Variants in SCAMP1 observed in about 807,000 individuals in gnomAD.
SCAMP1 encodes the protein secretory carrier membrane protein 1, also known as secretory carrier-associated membrane protein 1.
A neutral mutation model predicts 41.8 loss-of-function variants in SCAMP1; 15 were observed. That is an observed-to-expected ratio of 0.36 (90% CI 0.24 to 0.55). The LOEUF is 0.55. SCAMP1 is among the 20% of genes least tolerant of loss of function. The pLI, the probability that SCAMP1 is intolerant of heterozygous loss-of-function variation, is 0.86. For synonymous variants in SCAMP1, 135 were observed against 136.8 expected (o/e 0.99, Z 0.09); for missense variants, 341 against 412.6 (o/e 0.83, Z 1.50).
chr5:78,408,703 A>G (rs755491472), intron 2 of SCAMP1, among the ~76,000 whole-genome samples: 1 of 152,102 alleles, frequency 6.6e-6, no homozygotes, highest in African/African-American at 2.4e-5. Flanking sequence ...GGCTCAAGCT[A>G]TCCTTCTGCC....
At chr5:78,386,753 A>G (rs112260845) in intron 1 of SCAMP1, among the ~76,000 whole-genome samples, 6 of 152,052 alleles carry the variant, frequency 3.9e-5, no homozygotes, top group African/African-American at 1.2e-4. Flanking sequence ...CTTGGCTGAT[A>G]ATTGTTTTCT....
intron 7 of SCAMP1, among the ~76,000 whole-genome samples, chr5:78,451,272 C>G (rs931129142): frequency 6.6e-6 from 1 of 152,162 alleles, no homozygotes; most frequent in Admixed American, 6.5e-5. Flanking sequence ...TTTAGGTAAT[C>G]ATAGATTCAC....
chr5:78,399,827 T>C (rs1409965302), intron 2 of SCAMP1, among the ~76,000 whole-genome samples: 1 of 152,238 alleles, frequency 6.6e-6, no homozygotes, highest in Non-Finnish European at 1.5e-5. Flanking sequence ...CTTTCAGGGA[T>C]CATGCCATTG....
chr5:78,432,156 C>G (rs760650063), intron 6 of SCAMP1, among the ~76,000 whole-genome samples: 1 of 152,080 alleles, frequency 6.6e-6, no homozygotes, highest in Non-Finnish European at 1.5e-5. Context: ...CACCATCCTT[C>G]TTCTATCTCT....
At chr5:78,468,053 T>C (rs562306852) in intron 8 of SCAMP1, among the ~76,000 whole-genome samples, 1 of 152,278 alleles carries the variant, frequency 6.6e-6, no homozygotes, top group South Asian at 2.1e-4. Flanking sequence ...GTAAATGTGC[T>C]CTGTCCTATA....
intron 6 of SCAMP1, among the ~76,000 whole-genome samples, chr5:78,426,643 T>G (rs1304615472): frequency 6.6e-6 from 1 of 152,222 alleles, no homozygotes; most frequent in African/African-American, 2.4e-5. Flanking sequence ...TTAATAGAGT[T>G]GTGCAATCAT....
At chr5:78,464,257 C>T (rs1753687099) in intron 8 of SCAMP1, among the ~76,000 whole-genome samples, 1 of 152,142 alleles carries the variant, frequency 6.6e-6, no homozygotes, top group African/African-American at 2.4e-5. Context: ...AGTTCTCCTG[C>T]CTCAGCCTCC....
intron 8 of SCAMP1, among the ~76,000 whole-genome samples, chr5:78,470,505 T>C (rs1277357740): frequency 2.6e-5 from 4 of 152,206 alleles, no homozygotes; most frequent in African/African-American, 9.6e-5. Flanking sequence ...AATGCATTCA[T>C]TTTTAAGACT....
In SCAMP1 at chr5:78,416,600, C is replaced by T. The variant is rs750966615; in HGVS notation, c.294C>T (p.Ala98=). The change falls in exon 4 of 9, where the codon GCC becomes GCT. Residue 98 remains alanine, a synonymous_variant. Coordinates refer to ENST00000621999, the MANE Select transcript of SCAMP1 (RefSeq NM_004866.6). ...GCCAGGAAGAACTAGAAAGAAAAGC[C>T]GCAGAATTAGATCGTCGGGAACGAG... ...LKRQEELERK[A]AELDRREREM... The T allele has an allele frequency of 4.0e-5, 64 of 1,600,076 alleles. No individual in the cohort carries two copies. The highest frequency in any genetic ancestry group is 1.3e-4 in the African/African-American group (10 of 74,728).
At chr5:78,460,577 C>T (rs914498265) in intron 8 of SCAMP1, among the ~76,000 whole-genome samples, 1 of 113,006 alleles carries the variant, frequency 8.8e-6, no homozygotes, top group Admixed American at 8.4e-5. Context: ...TATCCTTTGC[C>T]TACTTTTTAA....
intron 6 of SCAMP1, among the ~76,000 whole-genome samples, chr5:78,443,509 A>G (rs1354667761): frequency 6.6e-6 from 1 of 151,980 alleles, no homozygotes; most frequent in African/African-American, 2.4e-5. Context: ...TAGGTTTGAT[A>G]TTGTTCAGGT....
intron 2 of SCAMP1, among the ~76,000 whole-genome samples, chr5:78,396,353 G>C (rs1751649698): frequency 6.6e-6 from 1 of 152,114 alleles, no homozygotes; most frequent in Non-Finnish European, 1.5e-5. Context: ...GTTGGGACAG[G>C]GATATATGGA....
chr5:78,451,263 T>A (rs1753218516), intron 7 of SCAMP1, among the ~76,000 whole-genome samples: 1 of 152,218 alleles, frequency 6.6e-6, no homozygotes, highest in African/African-American at 2.4e-5. Flanking sequence ...CTTTTTACTT[T>A]TAGGTAATCA....
intron 1 of SCAMP1, 34 bp from the exon 2 acceptor site, chr5:78,388,803 T>C: frequency 8.9e-7 from 1 of 1,118,784 alleles, no homozygotes; most frequent in Non-Finnish European, 1.3e-6. Context: ...AAAGGATAAG[T>C]AATCTTTTTT....
chr5:78,425,612 T>C (rs1005591844), intron 6 of SCAMP1, among the ~76,000 whole-genome samples: 5 of 152,210 alleles, frequency 3.3e-5, no homozygotes, highest in African/African-American at 7.2e-5. Context: ...AGACCTGTTT[T>C]AATCCTTTTC....
chr5:78,425,604 A>G (rs1387266158), intron 6 of SCAMP1, among the ~76,000 whole-genome samples: 1 of 152,128 alleles, frequency 6.6e-6, no homozygotes, highest in African/African-American at 2.4e-5. Flanking sequence ...TAAAATAAAG[A>G]CCTGTTTTAA....
At chr5:78,460,233 T>C (rs1455906876) in intron 8 of SCAMP1, among the ~76,000 whole-genome samples, 1 of 152,230 alleles carries the variant, frequency 6.6e-6, no homozygotes, top group Non-Finnish European at 1.5e-5. Context: ...GGTGTCTTTT[T>C]GATAAAATGA....
In SCAMP1 at chr5:78,384,912, C is replaced by CT. The variant is rs1376705113; in HGVS notation, c.58-3918dup. Among the ~76,000 whole-genome samples the CT allele has an allele frequency of 4.6e-5, 7 of 152,088 alleles. No individual in the cohort carries two copies. In the East Asian group the frequency reaches 7.7e-4, roughly 17 times the overall value. On this transcript the variant is annotated intron_variant, in intron 1 of 8. Transcript: ENST00000621999. ...ATCAGGGATATTGGCCTGTAGTTTT[C>CT]TTTTTTTGTTATGTCCTTTCCTGGT...
intron 8 of SCAMP1, among the ~76,000 whole-genome samples, chr5:78,473,129 T>C (rs1011276138): frequency 2.0e-5 from 3 of 151,952 alleles, no homozygotes; most frequent in South Asian, 4.1e-4. Flanking sequence ...ATGATAGTGC[T>C]AAGGTACTAG....
Sources: allele counts gnomAD v4.1 joint callset (sites outside exome capture counted in the v4.1 genomes callset), GRCh38; gene constraint gnomAD v4.1.1; transcripts MANE v1.5; gene names NCBI Gene and HGNC (gene_info 2026-07-23, HGNC 2026-07-21).